Variants in NLGN2 observed in about 807,000 individuals in gnomAD.
NLGN2 encodes neuroligin 2, also known as neuroligin-2.
NLGN2 carries 11 observed loss-of-function variants against 48.6 expected under a neutral mutation model. That is an observed-to-expected ratio of 0.23 (90% CI 0.14 to 0.37). NLGN2 has a LOEUF of 0.37. Among genes scored for constraint, NLGN2 ranks in the 10% least tolerant of loss-of-function variants. The pLI is 1.00. For synonymous variants in NLGN2, 548 were observed against 550.0 expected (o/e 1.00, Z 0.05); for missense variants, 801 against 1,225.2 (o/e 0.65, Z 5.17).
chr17:7,406,617 C>G (rs372964755), upstream of NLGN2, among the ~76,000 whole-genome samples: 16 of 135,956 alleles, frequency 1.2e-4, no homozygotes, highest in African/African-American at 3.9e-4. Context: ...CTGAAAACCC[C>G]GCGTCAGCAA....
At chr17:7,416,718 C>T (rs925526480) in intron 6 of NLGN2, among the ~76,000 whole-genome samples, 3 of 152,158 alleles carry the variant, frequency 2.0e-5, no homozygotes, top group African/African-American at 4.8e-5. Context: ...CTGTCTCCAT[C>T]CCTATTTGCC....
In NLGN2 at chr17:7,419,220, GT is replaced by G. The variant is rs1204831338; in HGVS notation, c.*1423del. The stretch of plus-strand genomic sequence containing the variant: ...TGGGGAGAAAGGTCTCACCGGACAG[GT>G]TGGGAGAATGAGGTCAGCGGTGCTG... On this transcript the variant is annotated 3_prime_UTR_variant, in exon 7 of 7. Transcript: ENST00000302926. 1 of 152,748 alleles carries G rather than the reference GT, an allele frequency of 6.5e-6. No individual in the cohort carries two copies. Among genetic ancestry groups the G allele is most frequent in the Non-Finnish European group, 1.5e-5 (1 of 68,166 alleles). 9.5% of individuals were successfully genotyped at this position (152,748 alleles called of 1,614,324 possible).
rs754219794 is a variant in NLGN2, at chr17:7,417,262, C to CGAGCCT, written c.1972_1973insAGCCTG (p.Glu656_Pro657dup). On this transcript the variant is annotated inframe_insertion, in exon 7 of 7. Transcript: ENST00000302926. ...TGCCTCCCGAGCCCGAGCCCGAGCCCGGCCCAAGGGCCTATGACCGCTTCC... is the reference window on the plus strand; with the variant it reads ...TGCCTCCCGAGCCCGAGCCCGAGCCCGAGCCTGGCCCAAGGGCCTATGACCGCTTCC... 1.0e-5 allele frequency: 16 copies of CGAGCCT among 1,563,256 alleles called. No individual in the cohort carries two copies. The highest frequency in any genetic ancestry group is 2.6e-6 in the Non-Finnish European group (3 of 1,157,448).
rs766001712 is a variant in NLGN2, at chr17:7,417,130, G to A, written c.1839G>A (p.Thr613=). Residue 613 remains threonine, a synonymous_variant, in exon 7 of 7, where the codon ACG becomes ACA. Coordinates refer to ENST00000302926, the MANE Select transcript of NLGN2 (RefSeq NM_020795.4). ...ELVPHLHNLH[T]ELFTTTTRLP... is the part of the protein sequence containing the mutation. ...TGCCCCACCTGCACAACCTGCACAC[G>A]GAGCTCTTCACCACCACCACGCGCC... is the stretch of plus-strand genomic sequence containing the variant. The A allele has an allele frequency of 2.5e-5, 40 of 1,610,806 alleles. No individual in the cohort carries two copies. Among genetic ancestry groups the A allele is most frequent in the East Asian group, 8.9e-5 (4 of 44,858 alleles).
At position 7,414,941 on chromosome 17, in the gene NLGN2, T is replaced by C. The variant is rs1181941263; in HGVS notation, c.845-15T>C. 6.2e-7 allele frequency: 1 copy of C among 1,613,000 alleles called. No individual in the cohort carries two copies. The highest frequency in any genetic ancestry group is 8.5e-7 in the Non-Finnish European group (1 of 1,179,980). ...GGTACTCACAGCCTGGCCTGAGGTC[T>C]GCCTGTCCCGCCAGGGCTGTTCCAG... On this transcript the variant is annotated splice_polypyrimidine_tract_variant and intron_variant, in intron 4 of 6. Transcript: ENST00000302926.
chr17:7,412,619 A>T (rs1424599321), intron 2 of NLGN2, among the ~76,000 whole-genome samples: 1 of 152,184 alleles, frequency 6.6e-6, no homozygotes, highest in Non-Finnish European at 1.5e-5. Context: ...AAAAAAATTT[A>T]AAAGTTGGCA....
intron 5 of NLGN2, 32 bp downstream of exon 5, chr17:7,415,180 T>A: frequency 6.4e-7 from 1 of 1,556,484 alleles, no homozygotes. Flanking sequence ...GGTCCAGGCC[T>A]TCAAGGTTCC....
chr17:7,410,984 C>A (rs1441168735), intron 1 of NLGN2, among the ~76,000 whole-genome samples: 1 of 152,168 alleles, frequency 6.6e-6, no homozygotes, highest in Non-Finnish European at 1.5e-5. Flanking sequence ...TTGGCCTTGA[C>A]CCATCCTTGG....
upstream of NLGN2, among the ~76,000 whole-genome samples, chr17:7,406,690 C>T (rs948745695): frequency 6.6e-6 from 1 of 151,270 alleles, no homozygotes; most frequent in Non-Finnish European, 1.5e-5. Context: ...GGGTGTCTGC[C>T]CCTCCGGTCT....
Position 7,412,803 on chromosome 17 carries a change from TTC to T in NLGN2, c.508+598_508+599del, listed in dbSNP as rs1906952513. ...TGAAAAAAAAATGCAAAGAATTTTT[TTC>T]TTTTTTTCTTTTTTCCCAAAATGGA... On this transcript the variant is annotated intron_variant, in intron 2 of 6. Coordinates refer to ENST00000302926, the MANE Select transcript of NLGN2 (RefSeq NM_020795.4). Among the ~76,000 whole-genome samples the T allele has an allele frequency of 2.6e-5, 4 of 152,310 alleles. No individual in the cohort carries two copies. The South Asian group carries it at 8.3e-4, about 32-fold the overall frequency.
intron 6 of NLGN2, 57 bp downstream of exon 6, chr17:7,416,164 CG>C: frequency 7.2e-7 from 1 of 1,396,044 alleles, no homozygotes; most frequent in Non-Finnish European, 1.0e-6. Context: ...TTCACATGGC[CG>C]CCGTTCCTCT....
Position 7,417,661 on chromosome 17 carries a change from G to C in NLGN2, c.2370G>C (p.Leu790=). ...TCTTGGCCCCCGGGGCCCTGACCCT[G>C]CTGCCCAGTGGCCTGGGGCCACCGC... ...VPLLAPGALT[L]LPSGLGPPPP... The change falls in exon 7 of 7, where the codon CTG becomes CTC. Residue 790 remains leucine (L), a synonymous_variant. Coordinates refer to ENST00000302926, the MANE Select transcript of NLGN2 (RefSeq NM_020795.4). 7.2e-7 allele frequency: 1 copy of C among 1,387,276 alleles called. No individual in the cohort carries two copies. The highest frequency in any genetic ancestry group is 9.3e-7 in the Non-Finnish European group (1 of 1,079,036). The allele number at this position is 1,387,276 out of a possible 1,614,324, so 85.9% of individuals were successfully genotyped here.
upstream of NLGN2, among the ~76,000 whole-genome samples, chr17:7,406,661 G>T (rs1166205320): frequency 1.4e-5 from 2 of 139,098 alleles, no homozygotes; most frequent in East Asian, 5.1e-4. Context: ...GGCGGGGGGG[G>T]GGCTTGCCGA....
At position 7,411,968 on chromosome 17, in the gene NLGN2, G is replaced by A. The variant is rs1262600551; in HGVS notation, c.458-189G>A. ...GGGAACAAAATTGGGTTGTAGAAAC[G>A]TTTTTCTCTTTTCTTGGTTTCTTTT... On this transcript the variant is annotated intron_variant, in intron 1 of 6. Coordinates refer to ENST00000302926, the MANE Select transcript of NLGN2 (RefSeq NM_020795.4). This position sits in a 1 kb window ranked among gnomAD's most constrained non-coding sequence, Gnocchi z 4.5. 6.6e-6 allele frequency among the ~76,000 whole-genome samples: 1 copy of A among 151,814 alleles called. No homozygotes were observed. Among genetic ancestry groups the A allele is most frequent in the South Asian group, 2.1e-4 (1 of 4,804 alleles).
chr17:7,414,156 A>C (rs1907000810), intron 2 of NLGN2, among the ~76,000 whole-genome samples, 188 bp from the exon 3 acceptor site: 1 of 151,560 alleles, frequency 6.6e-6, no homozygotes. Flanking sequence ...TGGGGAGGGA[A>C]TGTCTGCCAG....
chr17:7,409,595 C>T (rs1906795007), intron 1 of NLGN2, among the ~76,000 whole-genome samples: 1 of 151,978 alleles, frequency 6.6e-6, no homozygotes, highest in Non-Finnish European at 1.5e-5. Flanking sequence ...CCCATCTTAC[C>T]ACTCCAAAAC....
In NLGN2 at chr17:7,411,184, T is replaced by C. The variant is rs541917725; in HGVS notation, c.458-973T>C. Among the ~76,000 whole-genome samples the C allele has an allele frequency of 2.6e-5, 4 of 152,336 alleles. No homozygotes were observed. Among genetic ancestry groups the C allele is most frequent in the South Asian group, 4.1e-4 (2 of 4,832 alleles). On this transcript the variant is annotated intron_variant, in intron 1 of 6. Transcript: ENST00000302926. This position sits in a 1 kb window ranked among gnomAD's most constrained non-coding sequence, Gnocchi z 4.5. ...GCCAGGCTGGCTCAGGGCACTGTGT[T>C]CCTCGTTCCCTATCTGTGGACTGAA...
chr17:7,411,800 C>CCAGCTA lies in NLGN2; in HGVS notation c.458-357_458-356insCAGCTA, dbSNP rs1311317818. 7.1e-6 allele frequency among the ~76,000 whole-genome samples: 1 copy of CCAGCTA among 140,630 alleles called. No homozygotes were observed. Among genetic ancestry groups the CCAGCTA allele is most frequent in the Non-Finnish European group, 1.6e-5 (1 of 64,026 alleles). The allele number at this position is 140,630 out of a possible 152,430, so 92.3% of individuals were successfully genotyped here. ...TCCCACCCCACCTCTAACACTGTTT[C>CCAGCTA]ATTTCCAGCAATTAGCAAACACATC... On this transcript the variant is annotated intron_variant, in intron 1 of 6. Coordinates refer to ENST00000302926, the MANE Select transcript of NLGN2 (RefSeq NM_020795.4). This position sits in a 1 kb window ranked among gnomAD's most constrained non-coding sequence, Gnocchi z 4.5.
chr17:7,414,930 G>A, intron 4 of NLGN2, 26 bp from the exon 5 acceptor site: 1 of 1,613,242 alleles, frequency 6.2e-7, no homozygotes, highest in African/African-American at 1.3e-5. Context: ...CTCACAGCCT[G>A]GCCTGAGGTC....
Sources: gnomAD v4.1 joint callset for allele counts (sites outside exome capture counted in the v4.1 genomes callset) on GRCh38, gnomAD v4.1.1 for gene constraint, Gnocchi (gnomAD v3.1) non-coding constraint, MANE v1.5 for transcripts, NCBI Gene and HGNC (gene_info 2026-07-23, HGNC 2026-07-21) for gene names.